The following CNTNAP2 variants were observed in gnomAD, a reference collection of about 807,000 sequenced individuals.
CNTNAP2 encodes the protein contactin-associated protein-like 2.
A neutral mutation model predicts 155.2 loss-of-function variants in CNTNAP2; 98 were observed. The ratio of observed to expected loss-of-function variants is 0.63; its 90% CI spans 0.54 to 0.75. The LOEUF (loss-of-function observed/expected upper bound fraction) is 0.75, where lower values mean the gene tolerates loss of function less well. Ranked by LOEUF, CNTNAP2 falls within the 30% of genes least tolerant of loss-of-function variation. The pLI is 0.00. For synonymous variants in CNTNAP2, 651 were observed against 631.2 expected, an observed-to-expected ratio of 1.03 and a Z score of -0.47; for missense variants, 1,727 against 1,688.1, an observed-to-expected ratio of 1.02 and a Z score of -0.40.
intron 8 of CNTNAP2, among the ~76,000 whole-genome samples, chr7:147,176,064 A>G (rs932697352): frequency 6.6e-6 from 1 of 152,168 alleles, no homozygotes; most frequent in Admixed American, 6.5e-5. Flanking sequence ...GGCTGGTCTG[A>G]GTATTTAACA....
intron 12 of CNTNAP2, among the ~76,000 whole-genome samples, chr7:147,631,540 A>G (rs1006806256): frequency 2.6e-5 from 4 of 152,244 alleles, no homozygotes; most frequent in African/African-American, 9.6e-5. Flanking sequence ...CAAAGCTAAA[A>G]GAACAAATCT....
chr7:147,388,358 C>G (rs1464699192), intron 9 of CNTNAP2, among the ~76,000 whole-genome samples: 2 of 152,086 alleles, frequency 1.3e-5, no homozygotes, highest in African/African-American at 4.8e-5. Context: ...CTTGGTTTTG[C>G]CCAGCATAGA....
At chr7:147,079,376 A>G (rs1265299973) in intron 4 of CNTNAP2, among the ~76,000 whole-genome samples, 1 of 152,020 alleles carries the variant, frequency 6.6e-6, no homozygotes, top group African/African-American at 2.4e-5. Context: ...TCCCACCGTT[A>G]GTGGGACATG....
chr7:147,599,861 T>G (rs2116858148), intron 12 of CNTNAP2, among the ~76,000 whole-genome samples: 1 of 152,336 alleles, frequency 6.6e-6, no homozygotes, highest in South Asian at 2.1e-4. Flanking sequence ...TAAGATCACA[T>G]TCACAGTTTC....
chr7:147,995,807 C>G (rs1368223258), intron 15 of CNTNAP2, among the ~76,000 whole-genome samples: 1 of 152,082 alleles, frequency 6.6e-6, no homozygotes, highest in Non-Finnish European at 1.5e-5. Context: ...GCCACTGTGC[C>G]CGGCCTCCCT....
chr7:147,753,809 GA>G (rs1797175253), intron 13 of CNTNAP2, among the ~76,000 whole-genome samples: 1 of 152,158 alleles, frequency 6.6e-6, no homozygotes, highest in Non-Finnish European at 1.5e-5. Context: ...GATGAATTAG[GA>G]GACAGAAGTG....
chr7:148,370,437 A>C (rs773385049), intron 21 of CNTNAP2, among the ~76,000 whole-genome samples: 5 of 152,230 alleles, frequency 3.3e-5, no homozygotes, highest in Non-Finnish European at 7.3e-5. Context: ...GACCTCAGTC[A>C]GGTGACTTTA....
intron 1 of CNTNAP2, among the ~76,000 whole-genome samples, chr7:146,436,434 CT>C (rs1414873628): frequency 2.6e-5 from 4 of 152,096 alleles, no homozygotes; most frequent in African/African-American, 9.7e-5. Flanking sequence ...GTGACAATGT[CT>C]GTGTTGACAT....
chr7:148,330,859 G>T (rs1797984354), intron 21 of CNTNAP2, among the ~76,000 whole-genome samples: 1 of 140,578 alleles, frequency 7.1e-6, no homozygotes, highest in Non-Finnish European at 1.6e-5. Flanking sequence ...GGATGGAATG[G>T]ATGGACGGAT....
chr7:146,130,080 G>A (rs187856634), intron 1 of CNTNAP2, among the ~76,000 whole-genome samples: 6 of 152,170 alleles, frequency 3.9e-5, no homozygotes, highest in Admixed American at 1.3e-4. Context: ...TCTGTTAAAC[G>A]TGTAATGAAA....
chr7:146,510,161 T>TC (rs987453436), intron 1 of CNTNAP2, among the ~76,000 whole-genome samples: 17 of 151,968 alleles, frequency 1.1e-4, no homozygotes, highest in African/African-American at 4.1e-4. Flanking sequence ...CTTTATTCTC[T>TC]CCCCCTCCTA....
At chr7:147,179,410 C>A (rs7457112) in intron 8 of CNTNAP2, among the ~76,000 whole-genome samples, 25,617 of 151,952 alleles carry the variant, frequency 0.17, 2,183 homozygotes, top group Non-Finnish European at 0.19. Context: ...CCCAGTCTTG[C>A]AAATATTGGA....
chr7:147,527,015 C>CTTTTCTTTTTTTTTTTTTTTTTT (rs1562981280), intron 11 of CNTNAP2, among the ~76,000 whole-genome samples: 2 of 65,182 alleles, frequency 3.1e-5, no homozygotes, highest in African/African-American at 1.6e-4. Flanking sequence ...ACAGGCATTT[C>CTTTTCTTTTTTTTTTTTTTTTTT]TTTTTTTTTT....
intron 14 of CNTNAP2, among the ~76,000 whole-genome samples, chr7:147,910,433 G>T (rs1290123146): frequency 1.3e-5 from 2 of 152,094 alleles, no homozygotes; most frequent in Admixed American, 6.5e-5. Context: ...CTCCCACAAG[G>T]TCATATAGTT....
chr7:147,973,673 T>C (rs1801376358), intron 14 of CNTNAP2, among the ~76,000 whole-genome samples: 1 of 152,206 alleles, frequency 6.6e-6, no homozygotes, highest in Non-Finnish European at 1.5e-5. Context: ...AAAAGGTAAT[T>C]TTCACCTCAT....
intron 2 of CNTNAP2, chr7:146,782,371 T>C (rs947654138): frequency 5.3e-5 from 8 of 152,210 alleles, no homozygotes; most frequent in Non-Finnish European, 1.0e-4. Flanking sequence ...TGGTCATACT[T>C]CTTCATCTTC....
chr7:148,416,414 A>G lies in CNTNAP2; in HGVS notation c.*798A>G, dbSNP rs1799990768. ...TATCAGCTGCAATACCATGGTGACC[A>G]GCTGTTACAAAAGATTTTTTCCTGT... On this transcript the variant is annotated 3_prime_UTR_variant, in exon 24 of 24. Coordinates refer to ENST00000361727, the MANE Select transcript of CNTNAP2 (RefSeq NM_014141.6). The G allele has an allele frequency of 6.6e-6, 1 of 152,056 alleles. No individual in the cohort carries two copies. Among genetic ancestry groups the G allele is most frequent in the Admixed American group, 6.6e-5 (1 of 15,262 alleles). The allele number at this position is 152,056 out of a possible 1,614,324, so 9.4% of individuals were successfully genotyped here.
chr7:146,803,385 C>T (rs62481401), intron 2 of CNTNAP2, among the ~76,000 whole-genome samples: 30,689 of 152,086 alleles, frequency 0.2, 3,628 homozygotes, highest in Middle Eastern at 0.36. Context: ...TGCAAGAACA[C>T]AGGGTGGACT....
chr7:148,182,208 A>C (rs964632330), intron 18 of CNTNAP2, among the ~76,000 whole-genome samples: 1 of 152,198 alleles, frequency 6.6e-6, no homozygotes, highest in African/African-American at 2.4e-5. Flanking sequence ...CACAGAAATA[A>C]CACTCTTTAT....
Sources: allele counts gnomAD v4.1 joint callset (sites outside exome capture counted in the v4.1 genomes callset), GRCh38; gene constraint gnomAD v4.1.1; transcripts MANE v1.5; gene names NCBI Gene and HGNC (gene_info 2026-07-23, HGNC 2026-07-21).